Variants in SORCS2 observed in about 807,000 individuals in gnomAD.
SORCS2 encodes the protein sortilin related VPS10 domain containing receptor 2.
SORCS2 carries 100 observed loss-of-function variants against 141.6 expected under a neutral mutation model. The observed-to-expected ratio is 0.71, with a 90% CI of 0.60 to 0.83. SORCS2 has a LOEUF of 0.83. Ranked by LOEUF, SORCS2 falls within the 40% of genes least tolerant of loss-of-function variation. The probability of loss-of-function intolerance (pLI) is 0.00; values close to 1 mark genes in which losing one functional copy is unlikely to be tolerated. For missense variants in SORCS2, 1,646 were observed against 1,560.2 expected (o/e 1.05, Z -0.93); for synonymous variants, 789 against 676.9 (o/e 1.17, Z -2.57).
chr4:7,372,917 T>G (rs1722349656), intron 1 of SORCS2, among the ~76,000 whole-genome samples: 2 of 152,072 alleles, frequency 1.3e-5, no homozygotes, highest in Admixed American at 1.3e-4. Context: ...AGTTCGTGCC[T>G]CTTTGGTGCA....
intron 1 of SORCS2, among the ~76,000 whole-genome samples, chr4:7,278,067 T>C (rs1331008579): frequency 6.6e-6 from 1 of 152,152 alleles, no homozygotes; most frequent in Non-Finnish European, 1.5e-5. Context: ...GGCTCAGCAA[T>C]TGGCTGAAGA....
intron 2 of SORCS2, among the ~76,000 whole-genome samples, chr4:7,493,116 G>A (rs2109405813): frequency 6.6e-6 from 1 of 152,288 alleles, no homozygotes; most frequent in South Asian, 2.1e-4. Context: ...CCAGAATTAA[G>A]AAACAAATGG....
chr4:7,274,335 C>T (rs543951737), intron 1 of SORCS2, among the ~76,000 whole-genome samples: 9 of 152,314 alleles, frequency 5.9e-5, no homozygotes, highest in African/African-American at 1.9e-4. Context: ...TAGTCCTTTC[C>T]TGTGCTGCTA....
intron 3 of SORCS2, among the ~76,000 whole-genome samples, chr4:7,541,939 A>T (rs1712704693): frequency 6.6e-6 from 1 of 152,184 alleles, no homozygotes; most frequent in South Asian, 2.1e-4. Flanking sequence ...CTCACCAATG[A>T]GCATACTTTG....
intron 3 of SORCS2, among the ~76,000 whole-genome samples, chr4:7,621,508 T>C (rs1719184423): frequency 6.6e-6 from 1 of 151,696 alleles, no homozygotes; most frequent in Non-Finnish European, 1.5e-5. Context: ...TATGTGTGTC[T>C]GTATGTTTAT....
intron 2 of SORCS2, among the ~76,000 whole-genome samples, chr4:7,498,426 C>T (rs780925135): frequency 2.0e-5 from 3 of 152,222 alleles, no homozygotes; most frequent in African/African-American, 4.8e-5. Flanking sequence ...ACAGGCAAGA[C>T]GCCAGCAGCA....
intron 2 of SORCS2, among the ~76,000 whole-genome samples, chr4:7,475,970 T>C (rs1730265568): frequency 6.6e-6 from 1 of 152,162 alleles, no homozygotes; most frequent in Non-Finnish European, 1.5e-5. Flanking sequence ...TGGCTGGGGC[T>C]GGGGGCTTCC....
rs1000726700 is a variant in SORCS2 at position 7,296,582 on chromosome 4, T to C, written c.481-99706T>C. Among the ~76,000 whole-genome samples the C allele has an allele frequency of 3.3e-5, 5 of 152,288 alleles. No homozygotes were observed. In the South Asian group the frequency reaches 1.0e-3, roughly 32 times the overall value. On this transcript the variant is annotated intron_variant, in intron 1 of 26. Transcript: ENST00000507866. Reference sequence around the variant, plus strand: ...GCCACTCGCTCCTGCGAGGCACCGATGGAGGGGTGGCTACAAGCATGGACC... The same window carrying C: ...GCCACTCGCTCCTGCGAGGCACCGACGGAGGGGTGGCTACAAGCATGGACC...
intron 2 of SORCS2, among the ~76,000 whole-genome samples, chr4:7,514,264 G>A (rs534452581): frequency 7.2e-4 from 109 of 152,222 alleles, no homozygotes; most frequent in Admixed American, 2.2e-3. Flanking sequence ...ACTTGACTAG[G>A]TGGTTCAGGC....
intron 12 of SORCS2, among the ~76,000 whole-genome samples, chr4:7,701,951 C>G (rs1183014986): frequency 6.6e-6 from 1 of 152,118 alleles, no homozygotes; most frequent in African/African-American, 2.4e-5. Flanking sequence ...TCTGCACCTG[C>G]TAGGAAGGGG....
chr4:7,668,817 C>T (rs1396704698), intron 8 of SORCS2, among the ~76,000 whole-genome samples: 1 of 152,092 alleles, frequency 6.6e-6, no homozygotes, highest in African/African-American at 2.4e-5. Flanking sequence ...GGGGCTACAG[C>T]ATTAGAAGCT....
rs115678257 is a variant in SORCS2, at chr4:7,575,714, T to C, written c.648+44085T>C. On this transcript the variant is annotated intron_variant, in intron 3 of 26. Transcript: ENST00000507866. ...AGCCGCTGGACTGGACACTTGCTCC[T>C]GTGTCCTTGTTTACCCATGGCTTAG... is the stretch of plus-strand genomic sequence containing the variant. Among the ~76,000 whole-genome samples the C allele has an allele frequency of 8.2e-3, 1,251 of 152,352 alleles. 20 individuals carry two copies. Among genetic ancestry groups the C allele is most frequent in the African/African-American group, 0.028 (1,170 of 41,576 alleles).
chr4:7,257,401 T>C (rs1320786085), intron 1 of SORCS2, among the ~76,000 whole-genome samples: 1 of 151,786 alleles, frequency 6.6e-6, no homozygotes, highest in Admixed American at 6.6e-5. Context: ...TCCCCGGGGC[T>C]CCAAGAGAAA....
At chr4:7,252,616 C>G (rs1560141681) in intron 1 of SORCS2, among the ~76,000 whole-genome samples, 1 of 152,212 alleles carries the variant, frequency 6.6e-6, no homozygotes, top group Non-Finnish European at 1.5e-5. Flanking sequence ...TTTATTAGCT[C>G]CACCTTCACA....
chr4:7,707,515 G>A (rs62290737), intron 14 of SORCS2, among the ~76,000 whole-genome samples: 343 of 152,306 alleles, frequency 2.3e-3, no homozygotes, highest in Non-Finnish European at 3.7e-3. Context: ...CAGCAACAGC[G>A]CGAATTCCTG....
Position 7,631,646 on chromosome 4 carries a change from C to CG in SORCS2, c.649-6675dup, listed in dbSNP as rs369297547. 1.4e-3 allele frequency among the ~76,000 whole-genome samples: 206 copies of CG among 152,062 alleles called. No homozygotes were observed. The South Asian group carries it at 0.015, about 11-fold the overall frequency. On this transcript the variant is annotated intron_variant, in intron 3 of 26. Transcript: ENST00000507866. ...ATGTTTCTGTCTGCTGTGACCCCCC[C>CG]GGGGGGGCAGAAATCCCATGGGGTT...
intron 2 of SORCS2, among the ~76,000 whole-genome samples, chr4:7,408,131 A>T (rs1423168747): frequency 3.9e-5 from 6 of 152,140 alleles, no homozygotes; most frequent in Non-Finnish European, 8.8e-5. Context: ...GTATTAGAGT[A>T]TTCTGGGTTT....
chr4:7,325,857 A>AG (rs1049217412), intron 1 of SORCS2, among the ~76,000 whole-genome samples: 2 of 152,114 alleles, frequency 1.3e-5, no homozygotes, highest in Admixed American at 1.3e-4. Flanking sequence ...CACCAGACAT[A>AG]GGCAGTGATA....
intron 4 of SORCS2, among the ~76,000 whole-genome samples, chr4:7,651,648 G>A (rs530621606): frequency 3.9e-5 from 6 of 152,230 alleles, no homozygotes; most frequent in Non-Finnish European, 8.8e-5. Flanking sequence ...CAGTCTGCTG[G>A]CAGTGGGCTG....
Sources: gnomAD v4.1 joint callset for allele counts (sites outside exome capture counted in the v4.1 genomes callset) on GRCh38, gnomAD v4.1.1 for gene constraint, MANE v1.5 for transcripts, NCBI Gene and HGNC (gene_info 2026-07-23, HGNC 2026-07-21) for gene names.